CBLB: variants seen among roughly 807,000 people sequenced by gnomAD.
The protein encoded by CBLB is E3 ubiquitin-protein ligase CBL-B.
CBLB carries 31 observed loss-of-function variants against 104.9 expected under a neutral mutation model. The ratio of observed to expected loss-of-function variants is 0.30; its 90% CI spans 0.22 to 0.40. The LOEUF (loss-of-function observed/expected upper bound fraction) is 0.40, where lower values mean the gene tolerates loss of function less well. Among genes scored for constraint, CBLB ranks in the 10% least tolerant of loss-of-function variants. CBLB has a pLI of 1.00. For missense variants in CBLB, 1,062 were observed against 1,214.6 expected, an observed-to-expected ratio of 0.87 and a Z score of 1.87; for synonymous variants, 440 against 422.6, an observed-to-expected ratio of 1.04 and a Z score of -0.51.
intron 3 of CBLB, among the ~76,000 whole-genome samples, chr3:105,826,922 G>A (rs2086665725): frequency 6.6e-6 from 1 of 152,150 alleles, no homozygotes; most frequent in African/African-American, 2.4e-5. Context: ...AAGACTATGT[G>A]TGTTCACTCC....
At chr3:105,668,311 T>C (rs1250217055) in intron 18 of CBLB, among the ~76,000 whole-genome samples, 1 of 152,186 alleles carries the variant, frequency 6.6e-6, no homozygotes, top group Non-Finnish European at 1.5e-5. Flanking sequence ...CTTGAAATCA[T>C]ATATGTGAAT....
At chr3:105,856,117 C>T (rs1245352296) in intron 2 of CBLB, among the ~76,000 whole-genome samples, 3 of 151,864 alleles carry the variant, frequency 2.0e-5, no homozygotes, top group East Asian at 1.9e-4. Flanking sequence ...TTTGGGAGGC[C>T]GAGACAGGCA....
In CBLB at chr3:105,735,838, C is replaced by T. The variant is rs371346524; in HGVS notation, c.1071+1333G>A. On this transcript the variant is annotated intron_variant, in intron 8 of 18. Transcript: ENST00000394030. ...GCAGGCACCTGTAATGCCAGCTACTCGGGAGGCTGAGGCAAGAGAACAGCT... is the reference window on the plus strand; with the variant it reads ...GCAGGCACCTGTAATGCCAGCTACTTGGGAGGCTGAGGCAAGAGAACAGCT... 5.3e-5 allele frequency among the ~76,000 whole-genome samples: 8 copies of T among 152,058 alleles called. No homozygotes were observed. The East Asian group carries it at 5.8e-4, about 11-fold the overall frequency.
chr3:105,742,361 A>G (rs2075688765), intron 6 of CBLB, among the ~76,000 whole-genome samples: 1 of 152,234 alleles, frequency 6.6e-6, no homozygotes, highest in Non-Finnish European at 1.5e-5. Flanking sequence ...TATATTTAGT[A>G]GTAGAGTGTA....
At chr3:105,835,612 T>A (rs780724851) in intron 3 of CBLB, among the ~76,000 whole-genome samples, 1 of 152,256 alleles carries the variant, frequency 6.6e-6, no homozygotes, top group Non-Finnish European at 1.5e-5. Context: ...GATTAACTAA[T>A]TGCAGTGGAT....
intron 11 of CBLB, among the ~76,000 whole-genome samples, chr3:105,703,079 C>T (rs1001761297): frequency 6.6e-6 from 1 of 151,958 alleles, no homozygotes; most frequent in African/African-American, 2.4e-5. Flanking sequence ...AAAGATCAGG[C>T]TGATTCTTAC....
At chr3:105,854,604 T>G (rs1342183404) in intron 2 of CBLB, among the ~76,000 whole-genome samples, 2 of 151,956 alleles carry the variant, frequency 1.3e-5, no homozygotes, top group Non-Finnish European at 2.9e-5. Context: ...TTTTTTTTTT[T>G]TGTCAAATTG....
intron 2 of CBLB, among the ~76,000 whole-genome samples, chr3:105,863,596 A>G (rs1331200079): frequency 6.6e-6 from 1 of 152,198 alleles, no homozygotes; most frequent in Non-Finnish European, 1.5e-5. Context: ...TCTTTAAAAT[A>G]TTTATATATA....
intron 10 of CBLB, among the ~76,000 whole-genome samples, chr3:105,706,333 T>C (rs1286880133): frequency 6.6e-6 from 1 of 152,216 alleles, no homozygotes; most frequent in African/African-American, 2.4e-5. Flanking sequence ...TTTTAAAAAT[T>C]AATGATTCTT....
At chr3:105,774,242 G>A (rs898389487) in intron 4 of CBLB, among the ~76,000 whole-genome samples, 1 of 151,984 alleles carries the variant, frequency 6.6e-6, no homozygotes, top group Non-Finnish European at 1.5e-5. Flanking sequence ...GGAGAACTAA[G>A]TTTTGGGAAA....
intron 9 of CBLB, among the ~76,000 whole-genome samples, chr3:105,733,186 T>A (rs1410561994): frequency 1.3e-5 from 2 of 151,796 alleles, no homozygotes; most frequent in Admixed American, 1.3e-4. Flanking sequence ...TGAAACCCCG[T>A]CTCTACTAAA....
chr3:105,823,092 GAC>G (rs1385390090), intron 3 of CBLB, among the ~76,000 whole-genome samples: 1 of 152,170 alleles, frequency 6.6e-6, no homozygotes, highest in Non-Finnish European at 1.5e-5. Flanking sequence ...TAAGTTAAAT[GAC>G]AGAGGACAGA....
chr3:105,688,350 A>G (rs1344693134), intron 13 of CBLB, among the ~76,000 whole-genome samples: 1 of 151,848 alleles, frequency 6.6e-6, no homozygotes, highest in Non-Finnish European at 1.5e-5. Context: ...CACCCCCCCC[A>G]CAACCTGGAC....
At chr3:105,669,191 C>T (rs1033911758) in intron 18 of CBLB, among the ~76,000 whole-genome samples, 2 of 152,104 alleles carry the variant, frequency 1.3e-5, no homozygotes, top group Non-Finnish European at 2.9e-5. Flanking sequence ...TGTCTGTCCC[C>T]TTTTCCCTGC....
At chr3:105,717,079 G>A (rs1430464057) in intron 10 of CBLB, among the ~76,000 whole-genome samples, 5 of 152,114 alleles carry the variant, frequency 3.3e-5, no homozygotes, top group Non-Finnish European at 5.9e-5. Context: ...AGAGGCTCAA[G>A]CTTCAACTTA....
chr3:105,702,968 G>T (rs1161541188), intron 11 of CBLB, among the ~76,000 whole-genome samples: 8 of 152,098 alleles, frequency 5.3e-5, no homozygotes, highest in African/African-American at 1.7e-4. Flanking sequence ...AATGTGCTCT[G>T]CTTCTTTATC....
intron 3 of CBLB, among the ~76,000 whole-genome samples, chr3:105,839,843 A>C (rs554122141): frequency 3.7e-4 from 56 of 152,382 alleles, no homozygotes; most frequent in Admixed American, 1.3e-3. Context: ...TTGCTTTATC[A>C]AAAAGTATTT....
chr3:105,853,837 CCTATT>C (rs1448900450), intron 2 of CBLB, among the ~76,000 whole-genome samples, 173 bp from the exon 3 acceptor site: 2 of 152,022 alleles, frequency 1.3e-5, no homozygotes, highest in Non-Finnish European at 2.9e-5. Flanking sequence ...ATAAATAAAT[CCTATT>C]CTGTTCTCCT....
intron 17 of CBLB, among the ~76,000 whole-genome samples, chr3:105,675,851 C>T (rs1460832960): frequency 4.9e-5 from 7 of 143,426 alleles, no homozygotes; most frequent in Non-Finnish European, 1.0e-4. Flanking sequence ...CACCACTGTA[C>T]TCCAGCCTGG....
Sources: gnomAD v4.1 joint callset for allele counts (sites outside exome capture counted in the v4.1 genomes callset) on GRCh38, gnomAD v4.1.1 for gene constraint, MANE v1.5 for transcripts, NCBI Gene and HGNC (gene_info 2026-07-23, HGNC 2026-07-21) for gene names.